LARP4B: variants seen among roughly 807,000 people sequenced by gnomAD.
LARP4B encodes the protein La ribonucleoprotein 4B.
In LARP4B, 12 loss-of-function variants were observed where a neutral mutation model predicts 89.8. That is an observed-to-expected ratio of 0.13 (90% CI 0.09 to 0.22). LARP4B has a LOEUF of 0.22. Ranked by LOEUF, LARP4B falls within the 10% of genes least tolerant of loss-of-function variation. LARP4B has a pLI of 1.00. For missense variants in LARP4B, 757 were observed against 947.7 expected (o/e 0.80, Z 2.64); for synonymous variants, 367 against 363.3 (o/e 1.01, Z -0.12).
chr10:963,683 C>T, the LARP4B span, among the ~76,000 whole-genome samples: 1 of 152,152 alleles, frequency 6.6e-6, no homozygotes. Context: ...TAGCAGAACA[C>T]CACAGGCTGG....
intron 4 of LARP4B, 108 bp from the exon 5 acceptor site, chr10:863,991 C>G: frequency 2.6e-6 from 4 of 1,547,024 alleles, no homozygotes; most frequent in Admixed American, 1.9e-5. Context: ...TAAAAGACCT[C>G]TGGGCTCTCA....
chr10:848,230 C>T (rs1308393426), intron 5 of LARP4B, among the ~76,000 whole-genome samples: 2 of 152,182 alleles, frequency 1.3e-5, no homozygotes, highest in East Asian at 1.9e-4. Context: ...AGGCCCCACA[C>T]AGCACCGTCC....
chr10:843,112 AG>A (rs750062426), intron 6 of LARP4B, 44 bp from the exon 7 acceptor site: 4 of 1,575,976 alleles, frequency 2.5e-6, no homozygotes, highest in South Asian at 1.1e-5. Flanking sequence ...TTTCTTTAAA[AG>A]GAAGTTTCAC....
At chr10:808,127 T>A (rs924983675), downstream of LARP4B, 1 of 152,196 alleles carries the variant, frequency 6.6e-6, no homozygotes, top group Non-Finnish European at 1.5e-5. Flanking sequence ...GAGCCCTGGC[T>A]CTCTTGTGGG....
At chr10:930,803 C>A (rs1476413296) in intron 1 of LARP4B, among the ~76,000 whole-genome samples, 1 of 152,184 alleles carries the variant, frequency 6.6e-6, no homozygotes, top group Admixed American at 6.5e-5. Flanking sequence ...ATCCCAACTT[C>A]CTGGTTCTAA....
the LARP4B span, among the ~76,000 whole-genome samples, chr10:943,446 T>A: frequency 6.6e-6 from 1 of 151,936 alleles, no homozygotes; most frequent in Non-Finnish European, 1.5e-5. Context: ...TTTTGTCTTT[T>A]CGAGACAGGG....
the LARP4B span, among the ~76,000 whole-genome samples, chr10:947,295 G>T: frequency 6.6e-6 from 1 of 152,050 alleles, no homozygotes; most frequent in Non-Finnish European, 1.5e-5. Context: ...GTTCTGTTCT[G>T]CTTCTTTCAG....
chr10:908,898 C>A (rs950626591), intron 1 of LARP4B, among the ~76,000 whole-genome samples: 2 of 152,168 alleles, frequency 1.3e-5, no homozygotes, highest in Non-Finnish European at 2.9e-5. Context: ...AGGGGCCGAC[C>A]CACCTCTCCT....
At chr10:834,565 C>T (rs1255323436) in intron 8 of LARP4B, among the ~76,000 whole-genome samples, 3 of 152,292 alleles carry the variant, frequency 2.0e-5, no homozygotes, top group Non-Finnish European at 1.5e-5. Context: ...TATGTTCTTA[C>T]GTGGATTGTT....
chr10:966,183 G>A, the LARP4B span, among the ~76,000 whole-genome samples: 1 of 152,056 alleles, frequency 6.6e-6, no homozygotes, highest in Non-Finnish European at 1.5e-5. Context: ...GGCTGGGTGT[G>A]GTGGCTCACA....
chr10:959,918 C>G, the LARP4B span, among the ~76,000 whole-genome samples: 179 of 146,630 alleles, frequency 1.2e-3, no homozygotes, highest in African/African-American at 3.9e-3. Context: ...CCACCTCCTC[C>G]TCAATCCCAC....
chr10:832,074 C>T (rs572884930), intron 8 of LARP4B, among the ~76,000 whole-genome samples: 237 of 152,176 alleles, frequency 1.6e-3, no homozygotes, highest in Middle Eastern at 3.4e-3. Context: ...GACGGAGTCT[C>T]GCTCTTTCGC....
At chr10:831,186 C>T (rs1019885862) in intron 8 of LARP4B, among the ~76,000 whole-genome samples, 1 of 151,608 alleles carries the variant, frequency 6.6e-6, no homozygotes, top group African/African-American at 2.4e-5. Flanking sequence ...AGCAGTCACA[C>T]AACTTACAGC....
At chr10:975,601 A>G in the LARP4B span, among the ~76,000 whole-genome samples, 3 of 152,246 alleles carry the variant, frequency 2.0e-5, no homozygotes, top group Non-Finnish European at 2.9e-5. Context: ...GAATGCACAC[A>G]GGTCTCTTGG....
intron 1 of LARP4B, among the ~76,000 whole-genome samples, chr10:895,338 AAAT>A (rs1441721730): frequency 3.2e-4 from 49 of 152,268 alleles, no homozygotes; most frequent in Middle Eastern, 3.4e-3. Context: ...TGTATTAATG[AAAT>A]AATACTAAAT....
At chr10:960,533 C>T in the LARP4B span, among the ~76,000 whole-genome samples, 1 of 151,436 alleles carries the variant, frequency 6.6e-6, no homozygotes, top group Admixed American at 6.6e-5. Flanking sequence ...GTGGTGAAAC[C>T]CCATCTCTAC....
At chr10:947,316 T>C in the LARP4B span, among the ~76,000 whole-genome samples, 1 of 152,026 alleles carries the variant, frequency 6.6e-6, no homozygotes, top group Non-Finnish European at 1.5e-5. Context: ...GCATGGAAGA[T>C]ATAAGGCACA....
intron 1 of LARP4B, among the ~76,000 whole-genome samples, chr10:909,043 C>T (rs559430140): frequency 3.3e-5 from 5 of 152,244 alleles, no homozygotes; most frequent in South Asian, 4.1e-4. Context: ...GCCTGTAATC[C>T]CAGCACTTTG....
Position 814,034 on chromosome 10 carries a change from C to T in LARP4B, c.1929+708G>A, listed in dbSNP as rs1188933792. ...TTCAGGACTGTCTGGATCTCCTGAC[C>T]GCATGATCTGCCTACCTCGGCCTCC... On this transcript the variant is annotated intron_variant, in intron 17 of 17. Coordinates refer to ENST00000316157, the MANE Select transcript of LARP4B (RefSeq NM_015155.3). This position sits in a 1 kb window ranked among gnomAD's most constrained non-coding sequence, Gnocchi z 4.4. 6.6e-6 allele frequency among the ~76,000 whole-genome samples: 1 copy of T among 151,970 alleles called. No individual in the cohort carries two copies. The highest frequency in any genetic ancestry group is 2.4e-5 in the African/African-American group (1 of 41,358).
Sources: allele counts gnomAD v4.1 joint callset (sites outside exome capture counted in the v4.1 genomes callset), GRCh38; gene constraint gnomAD v4.1.1; non-coding constraint Gnocchi (gnomAD v3.1); transcripts MANE v1.5; gene names NCBI Gene and HGNC (gene_info 2026-07-23, HGNC 2026-07-21).